Variants in MEP1B observed in about 807,000 individuals in gnomAD.
MEP1B encodes the protein meprin A subunit beta, also known as N-benzoyl-L-tyrosyl-P-amino-benzoic acid hydrolase subunit beta.
In MEP1B, 80 loss-of-function variants were observed where a neutral mutation model predicts 84.6. That is an observed-to-expected ratio of 0.95 (90% CI 0.79 to 1.14). MEP1B has a LOEUF of 1.14. Ranked by LOEUF, MEP1B falls within the 50% of genes most tolerant of loss-of-function variation. The pLI, the probability that MEP1B is intolerant of heterozygous loss-of-function variation, is 0.00. For missense variants in MEP1B, 766 were observed against 855.1 expected (o/e 0.90, Z 1.30); for synonymous variants, 273 against 288.1 (o/e 0.95, Z 0.53).
chr18:32,215,070 T>C lies in MEP1B; in HGVS notation c.1580-12T>C, dbSNP rs1325610678. ...GATAAACACACTCCATTAATATAAA[T>C]TGCTTTTTCAGATAATGGAAACTAT... On this transcript the variant is annotated splice_polypyrimidine_tract_variant and intron_variant, in intron 11 of 14. Transcript: ENST00000269202. 11 of 1,570,250 alleles carry C rather than the reference T, an allele frequency of 7.0e-6. No individual in the cohort carries two copies. In the Admixed American group the frequency reaches 1.1e-4, roughly 16 times the overall value.
rs2040787707 is a variant in MEP1B at position 32,190,151 on chromosome 18, A to G, written c.63+18A>G. ...CTGGCTTGGTAAGGAAACAGTATAT[A>G]GAAGATAATTTAAAAATTTTGGGGC... is the stretch of plus-strand genomic sequence containing the variant. On this transcript the variant is annotated intron_variant, in intron 1 of 14. Coordinates refer to ENST00000269202, the MANE Select transcript of MEP1B (RefSeq NM_005925.3). The G allele has an allele frequency of 6.3e-7, 1 of 1,599,476 alleles. No individual in the cohort carries two copies. Among genetic ancestry groups the G allele is most frequent in the African/African-American group, 1.3e-5 (1 of 74,408 alleles).
chr18:32,219,967 G>A (rs914779639), intron 14 of MEP1B, among the ~76,000 whole-genome samples: 2 of 152,136 alleles, frequency 1.3e-5, no homozygotes, highest in Non-Finnish European at 2.9e-5. Flanking sequence ...CCCAGATGTC[G>A]TTTAGATCTT....
chr18:32,196,160 G>T lies in MEP1B; in HGVS notation c.250+675G>T, dbSNP rs1598887173. The stretch of plus-strand genomic sequence containing the variant: ...TCCCTGTTTCTGCTGGCCTTCTGGA[G>T]CTGGTGTCACTGCGCCACCTCGGCT... On this transcript the variant is annotated intron_variant, in intron 5 of 14. Coordinates refer to ENST00000269202, the MANE Select transcript of MEP1B (RefSeq NM_005925.3). This position sits in a 1 kb window ranked among gnomAD's most constrained non-coding sequence, Gnocchi z 4.4. The T allele has an allele frequency of 3.3e-6, 2 of 605,250 alleles. No individual in the cohort carries two copies. Among genetic ancestry groups the T allele is most frequent in the Non-Finnish European group, 3.1e-6 (1 of 323,386 alleles). The allele number at this position is 605,250 out of a possible 1,614,324, so 37.5% of individuals were successfully genotyped here. A position where few individuals can be genotyped will look rare whatever the true frequency, so the allele number is the denominator to read the frequency against.
At chr18:32,200,965 G>A (rs1010562764) in intron 5 of MEP1B, among the ~76,000 whole-genome samples, 2 of 152,152 alleles carry the variant, frequency 1.3e-5, no homozygotes, top group South Asian at 4.1e-4. Flanking sequence ...AGCCTGGCAT[G>A]GTTCCAAGTG....
At chr18:32,201,087 C>T (rs372349959) in intron 5 of MEP1B, among the ~76,000 whole-genome samples, 1 of 152,068 alleles carries the variant, frequency 6.6e-6, no homozygotes, top group Non-Finnish European at 1.5e-5. Context: ...AAAGCTTTCA[C>T]GTGTTACTTT....
At chr18:32,210,439 A>G in intron 9 of MEP1B, 62 bp from the exon 10 acceptor site, 1 of 1,402,276 alleles carries the variant, frequency 7.1e-7, no homozygotes. Flanking sequence ...CACCACCATT[A>G]ACAAACACAC....
At chr18:32,197,411 T>TG (rs970640794) in intron 5 of MEP1B, among the ~76,000 whole-genome samples, 4 of 150,664 alleles carry the variant, frequency 2.7e-5, no homozygotes, top group African/African-American at 9.7e-5. Context: ...TTTTGTTTTT[T>TG]TTTTTTTGTT....
chr18:32,210,729 C>A lies in MEP1B; in HGVS notation c.1135+13C>A. 1.9e-6 allele frequency: 3 copies of A among 1,602,980 alleles called. No individual in the cohort carries two copies. Among genetic ancestry groups the A allele is most frequent in the South Asian group, 2.2e-5 (2 of 90,690 alleles). The stretch of plus-strand genomic sequence containing the variant: ...GAAGAAATAAAAGGTACAATGTCAA[C>A]ATCCTTATTGTCTGGATTTAAAATG... On this transcript the variant is annotated intron_variant, in intron 10 of 14. Coordinates refer to ENST00000269202, the MANE Select transcript of MEP1B (RefSeq NM_005925.3).
At chr18:32,216,881 G>T (rs2041095566) in intron 12 of MEP1B, 110 bp from the exon 13 acceptor site, 16 of 1,156,412 alleles carry the variant, frequency 1.4e-5, no homozygotes, top group Non-Finnish European at 1.6e-5. Context: ...AAAAAAAAAA[G>T]AAAGAAAGAA....
chr18:32,205,952 A>G (rs2040960376), intron 7 of MEP1B, among the ~76,000 whole-genome samples: 1 of 152,086 alleles, frequency 6.6e-6, no homozygotes, highest in Non-Finnish European at 1.5e-5. Flanking sequence ...TTTGAAATAT[A>G]CATTATTATT....
intron 4 of MEP1B, among the ~76,000 whole-genome samples, chr18:32,195,121 A>G (rs1206024768): frequency 6.6e-6 from 1 of 152,230 alleles, no homozygotes; most frequent in East Asian, 1.9e-4. Context: ...GTAGGAAACT[A>G]ACCTATAAAT....
At position 32,204,270 on chromosome 18, in the gene MEP1B, G is replaced by T; in HGVS notation, c.457G>T (p.Glu153Ter). ...NCDRIATVQH[E>*]FLHALGFWHE... ...TGACCGAATAGCAACAGTTCAACAC[G>T]AGTTCCTCCACGCTCTGGGATTCTG... is the stretch of plus-strand genomic sequence containing the variant. The change falls in exon 7 of 15, where the codon GAG becomes TAG. Residue 153 changes from glutamate to a stop codon, truncating the protein, a stop_gained. Transcript: ENST00000269202. LOFTEE classifies it high-confidence loss of function. 2 of 1,603,932 alleles carry T rather than the reference G, an allele frequency of 1.2e-6. No homozygotes were observed. Among genetic ancestry groups the T allele is most frequent in the East Asian group, 4.5e-5 (2 of 44,648 alleles).
chr18:32,196,887 C>T lies in MEP1B; in HGVS notation c.250+1402C>T, dbSNP rs1227425828. 1.5e-5 allele frequency: 7 copies of T among 461,320 alleles called. No individual in the cohort carries two copies. Among genetic ancestry groups the T allele is most frequent in the Admixed American group, 6.5e-5 (2 of 30,738 alleles). 28.6% of individuals were successfully genotyped at this position (461,320 alleles called of 1,614,324 possible). On this transcript the variant is annotated intron_variant, in intron 5 of 14. Coordinates refer to ENST00000269202, the MANE Select transcript of MEP1B (RefSeq NM_005925.3). This position sits in a 1 kb window ranked among gnomAD's most constrained non-coding sequence, Gnocchi z 4.4. Reference sequence around the variant, plus strand: ...GATGTAGTGGAGGCGGGCAAGGAGGCGCAGGCAGGCTCAGATCTCCACGTG... The same window carrying T: ...GATGTAGTGGAGGCGGGCAAGGAGGTGCAGGCAGGCTCAGATCTCCACGTG...
chr18:32,202,878 G>T lies in MEP1B; in HGVS notation c.251-15G>T, dbSNP rs1171448456. ...TGTTTTAATAAGCTTATTTTTGTTTGTTTTCTTCCTTCAGAAATGAATGCT... is the reference window on the plus strand; with the variant it reads ...TGTTTTAATAAGCTTATTTTTGTTTTTTTTCTTCCTTCAGAAATGAATGCT... On this transcript the variant is annotated splice_polypyrimidine_tract_variant and intron_variant, in intron 5 of 14. Coordinates refer to ENST00000269202, the MANE Select transcript of MEP1B (RefSeq NM_005925.3). 1 of 1,535,742 alleles carries T rather than the reference G, an allele frequency of 6.5e-7. No homozygotes were observed. The highest frequency in any genetic ancestry group is 1.2e-5 in the South Asian group (1 of 86,136).
rs769968004 is a variant in MEP1B, at chr18:32,210,576, T to C, written c.995T>C (p.Leu332Pro). 2 of 1,614,040 alleles carry C rather than the reference T, an allele frequency of 1.2e-6. No individual in the cohort carries two copies. The highest frequency in any genetic ancestry group is 1.7e-6 in the Non-Finnish European group (2 of 1,179,888). Residue 332 changes from leucine (L) to proline (P), a missense_variant, in exon 10 of 15, where the codon CTG becomes CCG. Coordinates refer to ENST00000269202, the MANE Select transcript of MEP1B (RefSeq NM_005925.3). ...ACAGCAGTGCTGGAAAGTAGAACGC[T>C]GTACCCTAAAAGAGGATTTCAGTGC... ...GATAVLESRT[L>P]YPKRGFQCLQ...
chr18:32,190,321 G>C (rs1210941331), intron 1 of MEP1B, among the ~76,000 whole-genome samples, 188 bp downstream of exon 1: 2 of 152,114 alleles, frequency 1.3e-5, no homozygotes, highest in Non-Finnish European at 2.9e-5. Flanking sequence ...CACCAGAGTA[G>C]AGACATTGAT....
intron 5 of MEP1B, among the ~76,000 whole-genome samples, chr18:32,199,448 T>TA (rs1568265876): frequency 1.3e-5 from 2 of 151,974 alleles, no homozygotes. Context: ...GAAACATAGA[T>TA]AAAAAACTAA....
intron 5 of MEP1B, among the ~76,000 whole-genome samples, chr18:32,201,357 T>C (rs554703488): frequency 2.0e-5 from 3 of 151,798 alleles, no homozygotes; most frequent in African/African-American, 4.8e-5. Flanking sequence ...AGGGTGTTCA[T>C]AGACCTTCCC....
chr18:32,214,766 T>C (rs1598897389), intron 11 of MEP1B, among the ~76,000 whole-genome samples: 2 of 152,340 alleles, frequency 1.3e-5, no homozygotes, highest in African/African-American at 2.4e-5. Context: ...ATTATTCTAA[T>C]AGATAGGAGG....
Sources: gnomAD v4.1 joint callset for allele counts (sites outside exome capture counted in the v4.1 genomes callset) on GRCh38, gnomAD v4.1.1 for gene constraint, Gnocchi (gnomAD v3.1) non-coding constraint, MANE v1.5 for transcripts, NCBI Gene and HGNC (gene_info 2026-07-23, HGNC 2026-07-21) for gene names.